The following FILIP1L variants were observed in gnomAD, a reference collection of about 807,000 sequenced individuals.
FILIP1L encodes filamin A interacting protein 1 like.
A neutral mutation model predicts 96.6 loss-of-function variants in FILIP1L; 55 were observed. The observed-to-expected ratio is 0.57, with a 90% CI of 0.46 to 0.71. The LOEUF is 0.71. Among genes scored for constraint, FILIP1L ranks in the 30% least tolerant of loss-of-function variants. The probability of loss-of-function intolerance (pLI) is 0.00; values close to 1 mark genes in which losing one functional copy is unlikely to be tolerated. For missense variants in FILIP1L, 1,304 were observed against 1,321.2 expected, an observed-to-expected ratio of 0.99 and a Z score of 0.20; for synonymous variants, 467 against 473.9, an observed-to-expected ratio of 0.99 and a Z score of 0.19.
intron 1 of FILIP1L, among the ~76,000 whole-genome samples, chr3:99,933,510 A>T (rs915163057): frequency 1.3e-5 from 2 of 152,174 alleles, no homozygotes; most frequent in African/African-American, 4.8e-5. Context: ...TGTGCTTTAT[A>T]AAAAACATTC....
intron 1 of FILIP1L, among the ~76,000 whole-genome samples, chr3:99,998,430 T>C (rs1193605987): frequency 1.3e-5 from 2 of 152,208 alleles, no homozygotes; most frequent in African/African-American, 4.8e-5. Context: ...GTAAACTATA[T>C]ATACGTACTC....
intron 3 of FILIP1L, 71 bp from the exon 4 acceptor site, chr3:99,924,479 TG>T (rs1707226626): frequency 7.0e-7 from 1 of 1,427,354 alleles, no homozygotes; most frequent in Non-Finnish European, 9.7e-7. Flanking sequence ...CTTTTAGAAA[TG>T]TCCCTGTTTT....
At chr3:99,979,141 C>A (rs1709049736) in intron 1 of FILIP1L, among the ~76,000 whole-genome samples, 1 of 152,096 alleles carries the variant, frequency 6.6e-6, no homozygotes, top group South Asian at 2.1e-4. Context: ...AGGTGATTAC[C>A]CTGATTTGAT....
chr3:99,977,490 A>G (rs1160200003), intron 1 of FILIP1L, among the ~76,000 whole-genome samples: 1 of 152,160 alleles, frequency 6.6e-6, no homozygotes, highest in African/African-American at 2.4e-5. Context: ...AGAGATGTCA[A>G]GGAAGATAGC....
intron 1 of FILIP1L, among the ~76,000 whole-genome samples, chr3:100,029,445 G>A (rs1188357463): frequency 6.6e-6 from 1 of 152,036 alleles, no homozygotes; most frequent in Non-Finnish European, 1.5e-5. Context: ...TCATTTTACT[G>A]TTGCATTTGC....
intron 1 of FILIP1L, among the ~76,000 whole-genome samples, chr3:99,943,918 T>C (rs745519419): frequency 2.0e-5 from 3 of 152,176 alleles, no homozygotes; most frequent in Non-Finnish European, 4.4e-5. Flanking sequence ...CTCAGTGTTT[T>C]ATAGGGTTAT....
At chr3:100,001,658 A>G (rs966969098) in intron 1 of FILIP1L, among the ~76,000 whole-genome samples, 2 of 152,170 alleles carry the variant, frequency 1.3e-5, no homozygotes, top group African/African-American at 4.8e-5. Context: ...GGCAGGTCAC[A>G]TCTTCTCCCT....
At chr3:99,944,199 G>A (rs1027410072) in intron 1 of FILIP1L, among the ~76,000 whole-genome samples, 5 of 152,196 alleles carry the variant, frequency 3.3e-5, no homozygotes, top group African/African-American at 1.2e-4. Flanking sequence ...AAGAGTGTGT[G>A]TTATTTTGTG....
At chr3:100,106,543 G>T (rs1028089271) in intron 1 of FILIP1L, among the ~76,000 whole-genome samples, 9 of 152,120 alleles carry the variant, frequency 5.9e-5, no homozygotes, top group Admixed American at 5.9e-4. Context: ...CCAAAGAAAG[G>T]TTGAGAGCTG....
chr3:99,887,450 A>G (rs892136236), intron 4 of FILIP1L, among the ~76,000 whole-genome samples: 5 of 152,160 alleles, frequency 3.3e-5, no homozygotes, highest in African/African-American at 1.2e-4. Context: ...TCTGCAGGCA[A>G]TTGTGCATGT....
At position 100,063,394 on chromosome 3, in the gene FILIP1L, ATTC is replaced by A. The variant is rs1255349934; in HGVS notation, c.-11+50656_-11+50658del. Among the ~76,000 whole-genome samples, 41 of 152,302 alleles carry A rather than the reference ATTC, an allele frequency of 2.7e-4. No individual in the cohort carries two copies. The East Asian group carries it at 5.2e-3, about 19-fold the overall frequency. On this transcript the variant is annotated intron_variant, in intron 1 of 5. Coordinates refer to ENST00000477258, the MANE Select transcript of FILIP1L (RefSeq NM_001387850.1). ...TATTACTATATATCTGAATTATTGTATTCTTCTTGGTGTAATTATTATTATAGT... is the reference window on the plus strand; with the variant it reads ...TATTACTATATATCTGAATTATTGTATTCTTGGTGTAATTATTATTATAGT...
Position 100,024,170 on chromosome 3 carries a change from A to C in FILIP1L, c.-11+89883T>G, listed in dbSNP as rs549917602. The stretch of plus-strand genomic sequence containing the variant: ...TGGTCGCCTATTTCATCTGGTTGTA[A>C]ATAACAGCCATGGGGCCTCTGTAAT... On this transcript the variant is annotated intron_variant, in intron 1 of 5. Coordinates refer to ENST00000477258, the MANE Select transcript of FILIP1L (RefSeq NM_001387850.1). Among the ~76,000 whole-genome samples the C allele has an allele frequency of 3.9e-5, 6 of 152,210 alleles. No homozygotes were observed. In the South Asian group the frequency reaches 8.3e-4, roughly 21 times the overall value.
At position 99,930,883 on chromosome 3, in the gene FILIP1L, T is replaced by C. The variant is rs1473237765; in HGVS notation, c.138A>G (p.Val46=). Residue 46 remains valine (V), a synonymous_variant, in exon 2 of 6, where the codon GTA becomes GTG. Coordinates refer to ENST00000477258, the MANE Select transcript of FILIP1L (RefSeq NM_001387850.1). ...QDKDSPSESD[V]ILPCPKAEKP... is the part of the protein sequence containing the mutation. ...TCTCTGCCTTGGGACACGGAAGTAT[T>C]ACATCCGACTCACTGGGGGAGTCTT... 6.2e-7 allele frequency: 1 copy of C among 1,613,250 alleles called. No individual in the cohort carries two copies. The highest frequency in any genetic ancestry group is 1.7e-5 in the Admixed American group (1 of 59,926).
intron 1 of FILIP1L, among the ~76,000 whole-genome samples, chr3:100,026,881 C>T (rs547281275): frequency 2.6e-5 from 4 of 152,204 alleles, no homozygotes; most frequent in African/African-American, 4.8e-5. Flanking sequence ...CCAAAGTCTC[C>T]GCATCTTACT....
chr3:99,997,462 C>G (rs191418802), intron 1 of FILIP1L, among the ~76,000 whole-genome samples: 49 of 152,326 alleles, frequency 3.2e-4, no homozygotes, highest in African/African-American at 1.1e-3. Context: ...GAGGCTAAGT[C>G]TTCCAAGTCC....
intron 1 of FILIP1L, among the ~76,000 whole-genome samples, chr3:99,975,528 G>T (rs1216778609): frequency 6.6e-6 from 1 of 151,774 alleles, no homozygotes; most frequent in African/African-American, 2.4e-5. Flanking sequence ...GGAGGCAGAC[G>T]TTGCAGTGAG....
intron 4 of FILIP1L, among the ~76,000 whole-genome samples, chr3:99,877,917 T>C (rs1190886114): frequency 6.6e-6 from 1 of 152,246 alleles, no homozygotes; most frequent in East Asian, 1.9e-4. Context: ...TAGGCAAATA[T>C]GTTTCCTAAC....
intron 1 of FILIP1L, among the ~76,000 whole-genome samples, chr3:100,033,875 G>C (rs1479958223): frequency 6.6e-6 from 1 of 152,070 alleles, no homozygotes; most frequent in Non-Finnish European, 1.5e-5. Context: ...TGAACATCTA[G>C]TACAAAAGTG....
rs552571090 is a variant in FILIP1L at position 100,067,268 on chromosome 3, A to T, written c.-11+46785T>A. Among the ~76,000 whole-genome samples, 13 of 152,252 alleles carry T rather than the reference A, an allele frequency of 8.5e-5. No homozygotes were observed. In the South Asian group the frequency reaches 2.7e-3, roughly 32 times the overall value. On this transcript the variant is annotated intron_variant, in intron 1 of 5. Coordinates refer to ENST00000477258, the MANE Select transcript of FILIP1L (RefSeq NM_001387850.1). ...TCCCTACTCAAACTGAATTACCATG[A>T]CCTTTTCTCTCTTCTTGGCTTTCTT...
Sources: allele counts gnomAD v4.1 joint callset (sites outside exome capture counted in the v4.1 genomes callset), GRCh38; gene constraint gnomAD v4.1.1; transcripts MANE v1.5; gene names NCBI Gene and HGNC (gene_info 2026-07-23, HGNC 2026-07-21).